BTN3A2: variants seen among roughly 807,000 people sequenced by gnomAD.
BTN3A2 encodes the protein butyrophilin protein.
A neutral mutation model predicts 37.6 loss-of-function variants in BTN3A2; 25 were observed. The ratio of observed to expected loss-of-function variants is 0.66; its 90% CI spans 0.48 to 0.93. BTN3A2 has a LOEUF of 0.93. BTN3A2 is among the 40% of genes least tolerant of loss of function. The pLI, the probability that BTN3A2 is intolerant of heterozygous loss-of-function variation, is 0.00. For synonymous variants in BTN3A2, 122 were observed against 159.4 expected (o/e 0.77, Z 1.77); for missense variants, 266 against 410.9 (o/e 0.65, Z 3.05).
chr6:26,365,531 T>C (rs68112369), intron 1 of BTN3A2, among the ~76,000 whole-genome samples, 179 bp downstream of exon 1: 11,670 of 150,906 alleles, frequency 0.077, 570 homozygotes, highest in Non-Finnish European at 0.11. Context: ...TGTGTACATG[T>C]GCACACTCGC....
chr6:26,375,699 A>C, intron 10 of BTN3A2, 98 bp from the exon 11 acceptor site: 1 of 1,532,132 alleles, frequency 6.5e-7, no homozygotes, highest in South Asian at 1.2e-5. Flanking sequence ...GCTATCAGGA[A>C]GATGAGGAGC....
At chr6:26,373,158 A>G (rs773684833) in intron 6 of BTN3A2, 61 bp downstream of exon 6, 232 of 1,596,574 alleles carry the variant, frequency 1.5e-4, no homozygotes, top group Non-Finnish European at 1.7e-4. Context: ...TGAAAACCTC[A>G]CCTCTCTCCC....
At chr6:26,369,193 T>C (rs993546349) in intron 4 of BTN3A2, among the ~76,000 whole-genome samples, 60 of 152,146 alleles carry the variant, frequency 3.9e-4, no homozygotes, top group African/African-American at 1.4e-3. Context: ...TAAGAAACCA[T>C]CTCTTCAGTG....
chr6:26,376,215 GAA>G lies in BTN3A2; in HGVS notation c.*473_*474del, dbSNP rs71544679. The G allele has an allele frequency of 3.7e-4, 28 of 75,412 alleles. No homozygotes were observed. Among genetic ancestry groups the G allele is most frequent in the South Asian group, 2.3e-3 (5 of 2,188 alleles). The allele number at this position is 75,412 out of a possible 1,614,324, so 4.7% of individuals were successfully genotyped here. On this transcript the variant is annotated 3_prime_UTR_variant, in exon 11 of 11. Transcript: ENST00000377708. Reference sequence around the variant, plus strand: ...GAGACAGAGCGAGACTCTGTCTCAAGAAAAAAAAAAAAAAAAAAAAAGAAAAG... The same window carrying G: ...GAGACAGAGCGAGACTCTGTCTCAAGAAAAAAAAAAAAAAAAAAAGAAAAG...
chr6:26,372,584 G>A (rs1258704658), intron 5 of BTN3A2: 1 of 297,568 alleles, frequency 3.4e-6, no homozygotes, highest in East Asian at 7.7e-5. Context: ...GACTTTATGT[G>A]TATGTAGTTT....
chr6:26,373,162 C>G, intron 6 of BTN3A2, 65 bp downstream of exon 6: 1 of 1,606,940 alleles, frequency 6.2e-7, no homozygotes, highest in Non-Finnish European at 8.5e-7. Context: ...AACCTCACCT[C>G]TCTCCCCTAC....
In BTN3A2 at chr6:26,377,166, G is replaced by T; in HGVS notation, c.*1404G>T. The T allele has an allele frequency of 7.9e-7, 1 of 1,267,076 alleles. No homozygotes were observed. The highest frequency in any genetic ancestry group is 1.2e-6 in the Non-Finnish European group (1 of 865,050). The allele number at this position is 1,267,076 out of a possible 1,614,324, so 78.5% of individuals were successfully genotyped here. On this transcript the variant is annotated 3_prime_UTR_variant, in exon 11 of 11. Transcript: ENST00000377708. Reference sequence around the variant, plus strand: ...TTCCCTGGAGATACCACTGACCCCAGGCTTAGCTAATGAAAGTGGGGAGCC... The same window carrying T: ...TTCCCTGGAGATACCACTGACCCCATGCTTAGCTAATGAAAGTGGGGAGCC...
At chr6:26,372,022 A>G (rs781238065) in intron 5 of BTN3A2, among the ~76,000 whole-genome samples, 4 of 152,188 alleles carry the variant, frequency 2.6e-5, no homozygotes, top group Non-Finnish European at 5.9e-5. Context: ...GCACAAGGTT[A>G]GAAACTGTGC....
chr6:26,366,444 C>T (rs1345097518), intron 1 of BTN3A2, among the ~76,000 whole-genome samples: 1 of 152,156 alleles, frequency 6.6e-6, no homozygotes, highest in African/African-American at 2.4e-5. Flanking sequence ...AAGTATATAA[C>T]TACAGAGTAT....
Position 26,370,581 on chromosome 6 carries a change from G to A in BTN3A2, c.693G>A (p.Lys231=). 1 of 1,614,222 alleles carries A rather than the reference G, an allele frequency of 6.2e-7. No homozygotes were observed. ...IIRNSLLGLE[K]TASISIADPF... ...GAAATTCCCTCCTCGGCCTGGAAAAGACAGCCAGCATTTCCATCGCAGGTC... is the reference window on the plus strand; with the variant it reads ...GAAATTCCCTCCTCGGCCTGGAAAAAACAGCCAGCATTTCCATCGCAGGTC... The change falls in exon 5 of 11, where the codon AAG becomes AAA. Residue 231 remains lysine, a synonymous_variant. Coordinates refer to ENST00000377708, the MANE Select transcript of BTN3A2 (RefSeq NM_007047.5).
intron 5 of BTN3A2, among the ~76,000 whole-genome samples, chr6:26,371,372 T>A (rs1760096712): frequency 6.6e-6 from 1 of 152,240 alleles, no homozygotes. Flanking sequence ...GTGCTCATTC[T>A]CACTCACTGG....
At chr6:26,372,172 G>A (rs371033172) in intron 5 of BTN3A2, among the ~76,000 whole-genome samples, 2 of 152,282 alleles carry the variant, frequency 1.3e-5, no homozygotes. Context: ...GCAGAGGGAC[G>A]TGTATAGAAT....
intron 5 of BTN3A2, 138 bp from the exon 6 acceptor site, chr6:26,372,759 A>T: frequency 1.0e-6 from 1 of 996,752 alleles, no homozygotes; most frequent in Non-Finnish European, 1.4e-6. Context: ...CTGAGACTTT[A>T]GGGAGAGAAT....
chr6:26,369,489 G>A lies in BTN3A2; in HGVS notation c.433+577G>A, dbSNP rs369054986. Among the ~76,000 whole-genome samples, 95 of 152,312 alleles carry A rather than the reference G, an allele frequency of 6.2e-4. 6 individuals are homozygous for A. In the South Asian group the frequency reaches 0.018, roughly 29 times the overall value. On this transcript the variant is annotated intron_variant, in intron 4 of 10. Transcript: ENST00000377708. ...GGGCTTGTGTTAGGGGATTGGGGCC[G>A]GGGGAGTTCATAGACTTAGCCCTCT...
intron 2 of BTN3A2, 44 bp from the exon 3 acceptor site, chr6:26,368,134 C>A (rs1262551238): frequency 6.2e-7 from 1 of 1,607,066 alleles, no homozygotes; most frequent in African/African-American, 1.3e-5. Flanking sequence ...TTCTTCCAGG[C>A]CATAGTGTCT....
rs561138666 is a variant in BTN3A2, at chr6:26,376,871, G to A, written c.*1109G>A. The A allele has an allele frequency of 5.6e-6, 9 of 1,614,008 alleles. No individual in the cohort carries two copies. The highest frequency in any genetic ancestry group is 7.6e-6 in the Non-Finnish European group (9 of 1,179,956). On this transcript the variant is annotated 3_prime_UTR_variant, in exon 11 of 11. Coordinates refer to ENST00000377708, the MANE Select transcript of BTN3A2 (RefSeq NM_007047.5). ...ACTGGACTATGGGCCTGACTGATGGGAATAAGTATCGGGCTCTCACTGAGC... is the reference window on the plus strand; with the variant it reads ...ACTGGACTATGGGCCTGACTGATGGAAATAAGTATCGGGCTCTCACTGAGC...
At chr6:26,365,644 A>G (rs971692251) in intron 1 of BTN3A2, among the ~76,000 whole-genome samples, 1 of 152,172 alleles carries the variant, frequency 6.6e-6, no homozygotes, top group Non-Finnish European at 1.5e-5. Context: ...AACATGAATG[A>G]AGAAATATTC....
At chr6:26,371,760 C>T (rs1041878416) in intron 5 of BTN3A2, among the ~76,000 whole-genome samples, 1 of 152,104 alleles carries the variant, frequency 6.6e-6, no homozygotes. Flanking sequence ...CTCGCTGCAG[C>T]CTCTGCCTCC....
chr6:26,367,175 GA>G (rs1189952477), intron 1 of BTN3A2, among the ~76,000 whole-genome samples: 3 of 152,160 alleles, frequency 2.0e-5, no homozygotes, highest in Non-Finnish European at 4.4e-5. Context: ...CCAGGCTAGT[GA>G]CATTAAATCA....
Sources: gnomAD v4.1 joint callset for allele counts (sites outside exome capture counted in the v4.1 genomes callset) on GRCh38, gnomAD v4.1.1 for gene constraint, MANE v1.5 for transcripts, NCBI Gene and HGNC (gene_info 2026-07-23, HGNC 2026-07-21) for gene names.